GLI2: variants seen among roughly 807,000 people sequenced by gnomAD.
GLI2 encodes transcription activator GLI2.
In GLI2, 22 loss-of-function variants were observed where a neutral mutation model predicts 78.9. The ratio of observed to expected loss-of-function variants is 0.28; its 90% CI spans 0.20 to 0.40. The LOEUF (loss-of-function observed/expected upper bound fraction) is 0.40. GLI2 is among the 10% of genes least tolerant of loss of function. GLI2 has a pLI of 1.00. For synonymous variants in GLI2, 974 were observed against 963.7 expected, an observed-to-expected ratio of 1.01 and a Z score of -0.20; for missense variants, 2,097 against 2,213.2, an observed-to-expected ratio of 0.95 and a Z score of 1.05.
At chr2:120,893,105 G>C (rs750717408) in intron 2 of GLI2, among the ~76,000 whole-genome samples, 1 of 152,236 alleles carries the variant, frequency 6.6e-6, no homozygotes, top group Non-Finnish European at 1.5e-5. Context: ...AAGGCATCTT[G>C]CCACAGCCTT....
At chr2:120,807,157 C>T (rs913073229) in intron 2 of GLI2, among the ~76,000 whole-genome samples, 1 of 152,110 alleles carries the variant, frequency 6.6e-6, no homozygotes, top group Non-Finnish European at 1.5e-5. Context: ...GGGCAAGCCC[C>T]CTGGGGACGA....
chr2:120,837,393 C>CAAAAA (rs768947767), intron 2 of GLI2, among the ~76,000 whole-genome samples: 5 of 77,022 alleles, frequency 6.5e-5, no homozygotes, highest in African/African-American at 2.3e-4. Context: ...GACTCCATCT[C>CAAAAA]AAAAAAAAAA....
intron 2 of GLI2, among the ~76,000 whole-genome samples, chr2:120,920,962 G>A (rs1248023541): frequency 6.6e-6 from 1 of 151,522 alleles, no homozygotes; most frequent in Non-Finnish European, 1.5e-5. Flanking sequence ...TCTGGCTCAG[G>A]ATGTCACTCA....
intron 2 of GLI2, among the ~76,000 whole-genome samples, chr2:120,875,180 C>T (rs191315625): frequency 1.5e-3 from 233 of 152,324 alleles, no homozygotes; most frequent in African/African-American, 5.4e-3. Flanking sequence ...TAAGCTGGGA[C>T]CTGGGGACAG....
Position 120,840,961 on chromosome 2 carries a change from G to C in GLI2, c.148+43493G>C, listed in dbSNP as rs76813365. On this transcript the variant is annotated intron_variant, in intron 2 of 13. Transcript: ENST00000361492. Reference sequence around the variant, plus strand: ...TCTGTCTGGTCTTTGGGGTCCCTTTGTTATCTGGCCCTACGTGGCCTCTTT... The same window carrying C: ...TCTGTCTGGTCTTTGGGGTCCCTTTCTTATCTGGCCCTACGTGGCCTCTTT... Among the ~76,000 whole-genome samples, 426 of 152,276 alleles carry C rather than the reference G, an allele frequency of 2.8e-3. 3 individuals are homozygous for C. The highest frequency in any genetic ancestry group is 9.5e-3 in the African/African-American group (395 of 41,554).
chr2:120,879,147 C>T (rs1232306513), intron 2 of GLI2, among the ~76,000 whole-genome samples: 2 of 152,136 alleles, frequency 1.3e-5, no homozygotes, highest in African/African-American at 4.8e-5. Flanking sequence ...CAGTTTCCTT[C>T]CCCAGGAGGG....
intron 2 of GLI2, among the ~76,000 whole-genome samples, chr2:120,803,932 G>A (rs942370707): frequency 3.9e-5 from 6 of 152,162 alleles, no homozygotes; most frequent in African/African-American, 1.4e-4. Context: ...TACTGGCGGG[G>A]CTGTGACCAG....
chr2:120,906,672 C>T (rs994709466), intron 2 of GLI2, among the ~76,000 whole-genome samples: 24 of 152,068 alleles, frequency 1.6e-4, no homozygotes, highest in Non-Finnish European at 2.6e-4. Flanking sequence ...TCTCTGGACA[C>T]AGCCACTCTG....
chr2:120,931,635 G>A (rs993649453), intron 3 of GLI2, among the ~76,000 whole-genome samples: 7 of 152,196 alleles, frequency 4.6e-5, no homozygotes, highest in Admixed American at 1.3e-4. Flanking sequence ...AGCAGGCCAG[G>A]CACGGCCCTG....
chr2:120,765,285 C>T (rs550653224), intron 1 of GLI2, among the ~76,000 whole-genome samples: 21 of 152,346 alleles, frequency 1.4e-4, no homozygotes, highest in Non-Finnish European at 2.8e-4. Context: ...GCAGACGGGC[C>T]GCCTGTCCTT....
chr2:120,943,433 G>C (rs1045970125), intron 3 of GLI2, among the ~76,000 whole-genome samples: 1 of 152,178 alleles, frequency 6.6e-6, no homozygotes, highest in Non-Finnish European at 1.5e-5. Flanking sequence ...GTGGCCCCTC[G>C]CCTGCTGCCA....
Position 120,870,237 on chromosome 2 carries a change from T to C in GLI2, c.149-57124T>C, listed in dbSNP as rs180962867. Among the ~76,000 whole-genome samples, 259 of 152,270 alleles carry C rather than the reference T, an allele frequency of 1.7e-3. 3 individuals carry two copies. Among genetic ancestry groups the C allele is most frequent in the African/African-American group, 5.8e-3 (243 of 41,566 alleles). On this transcript the variant is annotated intron_variant, in intron 2 of 13. Coordinates refer to ENST00000361492, the MANE Select transcript of GLI2 (RefSeq NM_001374353.1). ...CAGACCATGAGTGTTCATCATGGGC[T>C]GAGGTGATAGTTGATGCTGGAGAAA...
chr2:120,962,908 G>A (rs6541754), intron 5 of GLI2, among the ~76,000 whole-genome samples: 149,279 of 152,298 alleles, frequency 0.98, 73,171 homozygotes, highest in East Asian at 1. Flanking sequence ...ATCATGTTAG[G>A]TGGTTTTTCC....
chr2:120,847,809 G>A (rs1687194268), intron 2 of GLI2, among the ~76,000 whole-genome samples: 1 of 152,132 alleles, frequency 6.6e-6, no homozygotes, highest in Non-Finnish European at 1.5e-5. Context: ...ATTTAATACA[G>A]CTGAGGCCAA....
intron 2 of GLI2, among the ~76,000 whole-genome samples, chr2:120,909,260 T>A (rs1678692216): frequency 6.6e-6 from 1 of 152,106 alleles, no homozygotes; most frequent in South Asian, 2.1e-4. Context: ...TGGTGTTCCC[T>A]GCCTGGCTGG....
intron 2 of GLI2, among the ~76,000 whole-genome samples, chr2:120,918,438 C>CTTTTTT (rs563960856): frequency 7.9e-6 from 1 of 127,050 alleles, no homozygotes. Context: ...CATAAATATT[C>CTTTTTT]TTTTTTTTTT....
At chr2:120,910,018 C>G (rs1359207159) in intron 2 of GLI2, among the ~76,000 whole-genome samples, 1 of 152,016 alleles carries the variant, frequency 6.6e-6, no homozygotes, top group Non-Finnish European at 1.5e-5. Flanking sequence ...GTAGGCCCAG[C>G]TGGGGGTGGA....
In GLI2 at chr2:120,775,408, G is replaced by A. The variant is rs145786983; in HGVS notation, c.-30-21883G>A. On this transcript the variant is annotated intron_variant, in intron 1 of 13. Transcript: ENST00000361492. ...CGGTGCCGTTCAGTGGTGTCCATCA[G>A]GGGTAGTTGGTGGTGGTGTCACGTG... Among the ~76,000 whole-genome samples the A allele has an allele frequency of 5.9e-3, 896 of 152,332 alleles. 6 individuals carry two copies. Among genetic ancestry groups the A allele is most frequent in the African/African-American group, 0.02 (834 of 41,588 alleles).
intron 2 of GLI2, among the ~76,000 whole-genome samples, chr2:120,809,608 G>A (rs998242290): frequency 4.6e-5 from 7 of 151,966 alleles, no homozygotes; most frequent in Non-Finnish European, 7.4e-5. Context: ...GGGAGGGAGG[G>A]CGCCTGTGGC....
Sources: allele counts gnomAD v4.1 joint callset (sites outside exome capture counted in the v4.1 genomes callset), GRCh38; gene constraint gnomAD v4.1.1; transcripts MANE v1.5; gene names NCBI Gene and HGNC (gene_info 2026-07-23, HGNC 2026-07-21).